The following CSMD1 variants were observed in gnomAD, a reference collection of about 807,000 sequenced individuals.
CSMD1 encodes CUB and Sushi multiple domains 1.
A neutral mutation model predicts 417.5 loss-of-function variants in CSMD1; 213 were observed. That is an observed-to-expected ratio of 0.51 (90% CI 0.46 to 0.57). CSMD1 has a LOEUF of 0.57. CSMD1 is among the 20% of genes least tolerant of loss of function. The pLI, the probability that CSMD1 is intolerant of heterozygous loss-of-function variation, is 0.00. For missense variants in CSMD1, 6,923 were observed against 4,529.7 expected (o/e 1.53, Z -15.17); for synonymous variants, 2,862 against 1,736.8 (o/e 1.65, Z -16.11).
intron 1 of CSMD1, among the ~76,000 whole-genome samples, chr8:4,774,231 C>T (rs1158374885): frequency 6.6e-6 from 1 of 152,026 alleles, no homozygotes; most frequent in Non-Finnish European, 1.5e-5. Flanking sequence ...TCTTTTCTTT[C>T]CTTTTAAATA....
chr8:3,608,573 C>T lies in CSMD1; in HGVS notation c.1097+8137G>A, dbSNP rs1329946630. Among the ~76,000 whole-genome samples, 3 of 151,916 alleles carry T rather than the reference C, an allele frequency of 2.0e-5. No individual in the cohort carries two copies. In the East Asian group the frequency reaches 5.8e-4, roughly 29 times the overall value. ...GGTCAGGAGTTTGAGACGAGCCTGG[C>T]CAACATAGTGAAACCCCGTCTCTAT... On this transcript the variant is annotated intron_variant, in intron 8 of 69. Transcript: ENST00000635120.
At chr8:3,977,695 C>G (rs761946196) in intron 5 of CSMD1, among the ~76,000 whole-genome samples, 3 of 152,164 alleles carry the variant, frequency 2.0e-5, no homozygotes, top group Non-Finnish European at 4.4e-5. Context: ...CACCAACTTT[C>G]TCTTTCTGTC....
At chr8:3,245,268 T>G (rs918260613) in intron 26 of CSMD1, among the ~76,000 whole-genome samples, 2 of 152,178 alleles carry the variant, frequency 1.3e-5, no homozygotes, top group Non-Finnish European at 2.9e-5. Context: ...GGGCACATCC[T>G]GCCACCCTGA....
intron 46 of CSMD1, among the ~76,000 whole-genome samples, chr8:3,098,640 GTGACCTCAT>G (rs1219958202): frequency 6.6e-6 from 1 of 152,074 alleles, no homozygotes; most frequent in Non-Finnish European, 1.5e-5. Flanking sequence ...TTCTGTGATG[GTGACCTCAT>G]CGCTTTGTAA....
chr8:3,546,012 G>C (rs1253384224), intron 10 of CSMD1, among the ~76,000 whole-genome samples: 4 of 152,216 alleles, frequency 2.6e-5, no homozygotes, highest in Non-Finnish European at 5.9e-5. Context: ...ACATGACACT[G>C]AGAAAGATTT....
chr8:3,242,777 C>A (rs75733799), intron 26 of CSMD1, among the ~76,000 whole-genome samples: 3 of 151,232 alleles, frequency 2.0e-5, no homozygotes, highest in Non-Finnish European at 4.4e-5. Context: ...GGGTTTCTTA[C>A]CCTCCAGACA....
chr8:3,289,203 C>G (rs1289414426), intron 25 of CSMD1, among the ~76,000 whole-genome samples: 1 of 147,448 alleles, frequency 6.8e-6, no homozygotes, highest in African/African-American at 2.7e-5. Flanking sequence ...ATATGTGCCA[C>G]ATTTTCTTAA....
chr8:4,151,998 G>A (rs370240070), intron 3 of CSMD1, among the ~76,000 whole-genome samples: 4 of 152,018 alleles, frequency 2.6e-5, no homozygotes, highest in Admixed American at 1.3e-4. Flanking sequence ...TTGCTAGGGG[G>A]TCATTTTAAC....
chr8:4,913,054 G>T (rs1233499592), intron 1 of CSMD1, among the ~76,000 whole-genome samples: 1 of 152,140 alleles, frequency 6.6e-6, no homozygotes, highest in African/African-American at 2.4e-5. Flanking sequence ...CTCCCAAACT[G>T]CTGGGATTAC....
At chr8:4,774,621 C>T (rs1024134959) in intron 1 of CSMD1, among the ~76,000 whole-genome samples, 3 of 152,104 alleles carry the variant, frequency 2.0e-5, no homozygotes, top group Admixed American at 1.3e-4. Flanking sequence ...GGTTTGGATC[C>T]ATTTCCCCAC....
At position 4,265,695 on chromosome 8, in the gene CSMD1, T is replaced by A. The variant is rs1181256685; in HGVS notation, c.415+154258A>T. The stretch of plus-strand genomic sequence containing the variant: ...ATGATCTGGCTCTGAACAGTATTAT[T>A]TGACATGTTACGATTAGGAAACAGT... On this transcript the variant is annotated intron_variant, in intron 3 of 69. Coordinates refer to ENST00000635120, the MANE Select transcript of CSMD1 (RefSeq NM_033225.6). Among the ~76,000 whole-genome samples, 2 of 105,070 alleles carry A rather than the reference T, an allele frequency of 1.9e-5. 1 individual carries two copies. The highest frequency in any genetic ancestry group is 5.1e-5 in the Non-Finnish European group (2 of 39,148). The allele number at this position is 105,070 out of a possible 152,430, so 68.9% of individuals were successfully genotyped here.
At chr8:4,917,815 T>A (rs901332893) in intron 1 of CSMD1, among the ~76,000 whole-genome samples, 1 of 151,904 alleles carries the variant, frequency 6.6e-6, no homozygotes, top group African/African-American at 2.4e-5. Flanking sequence ...AGGAACAGAG[T>A]GTGGCAGTGG....
chr8:4,341,422 ATGTT>A (rs1290054741), intron 3 of CSMD1, among the ~76,000 whole-genome samples: 12 of 152,136 alleles, frequency 7.9e-5, no homozygotes, highest in Admixed American at 7.2e-4. Context: ...GTAGAGGAAA[ATGTT>A]TGAAGATAAG....
intron 7 of CSMD1, among the ~76,000 whole-genome samples, chr8:3,690,354 TCAAAA>T (rs999420246): frequency 1.3e-5 from 2 of 152,224 alleles, no homozygotes; most frequent in African/African-American, 2.4e-5. Context: ...AGACTCTGTC[TCAAAA>T]CAAAACAAAA....
At chr8:3,967,457 GAA>G (rs10560472) in intron 5 of CSMD1, among the ~76,000 whole-genome samples, 21,308 of 149,392 alleles carry the variant, frequency 0.14, 1,684 homozygotes, top group African/African-American at 0.2. Context: ...TTGCTAAAAG[GAA>G]AAAAAAAAAA....
At chr8:3,522,083 A>C (rs1051728944) in intron 10 of CSMD1, among the ~76,000 whole-genome samples, 2 of 152,218 alleles carry the variant, frequency 1.3e-5, no homozygotes, top group African/African-American at 4.8e-5. Context: ...TGGGATGTTT[A>C]TCTAAATTGC....
At chr8:3,415,926 CAT>C (rs1335123378) in intron 12 of CSMD1, among the ~76,000 whole-genome samples, 1 of 152,016 alleles carries the variant, frequency 6.6e-6, no homozygotes, top group Non-Finnish European at 1.5e-5. Context: ...TTTTGAGTTG[CAT>C]ATGATATTTA....
intron 26 of CSMD1, among the ~76,000 whole-genome samples, chr8:3,252,981 C>T (rs961161091): frequency 6.6e-6 from 1 of 152,110 alleles, no homozygotes; most frequent in Admixed American, 6.6e-5. Context: ...TGCTAGCAGT[C>T]TATCAATTTT....
intron 7 of CSMD1, among the ~76,000 whole-genome samples, chr8:3,618,635 C>T (rs1802262615): frequency 6.6e-6 from 1 of 151,968 alleles, no homozygotes; most frequent in African/African-American, 2.4e-5. Context: ...AAGCTCCAGA[C>T]CTGTATTTCC....
Sources: allele counts gnomAD v4.1 joint callset (sites outside exome capture counted in the v4.1 genomes callset), GRCh38; gene constraint gnomAD v4.1.1; transcripts MANE v1.5; gene names NCBI Gene and HGNC (gene_info 2026-07-23, HGNC 2026-07-21).